Variants in FARP1 observed in about 807,000 individuals in gnomAD.
The protein encoded by FARP1 is FERM, ARHGEF and pleckstrin domain-containing protein 1.
A neutral mutation model predicts 128.8 loss-of-function variants in FARP1; 52 were observed. The observed-to-expected ratio is 0.40, with a 90% CI of 0.32 to 0.51. The LOEUF is 0.51. Among genes scored for constraint, FARP1 ranks in the 20% least tolerant of loss-of-function variants. The pLI is 0.45. For missense variants in FARP1, 1,333 were observed against 1,367.9 expected (o/e 0.97, Z 0.40); for synonymous variants, 580 against 551.8 (o/e 1.05, Z -0.72).
chr13:98,419,795 A>G, intron 16 of FARP1, among the ~76,000 whole-genome samples: 1 of 152,194 alleles, frequency 6.6e-6, no homozygotes, highest in Non-Finnish European at 1.5e-5. Flanking sequence ...ATCTAGAGAT[A>G]GAGCAGGGGG....
At chr13:98,255,557 G>C (rs1288912850) in intron 2 of FARP1, among the ~76,000 whole-genome samples, 9 of 151,970 alleles carry the variant, frequency 5.9e-5, no homozygotes, top group African/African-American at 1.9e-4. Flanking sequence ...ACAGTGTTTT[G>C]CCGATACCTT....
At chr13:98,313,538 C>T (rs978539823) in intron 2 of FARP1, among the ~76,000 whole-genome samples, 1 of 152,204 alleles carries the variant, frequency 6.6e-6, no homozygotes, top group Non-Finnish European at 1.5e-5. Flanking sequence ...GCCTCCTGAA[C>T]TGTGAGAGAA....
In FARP1 at chr13:98,265,880, A is replaced by G. The variant is rs562375351; in HGVS notation, c.171+52467A>G. Among the ~76,000 whole-genome samples the G allele has an allele frequency of 3.9e-5, 6 of 152,270 alleles. No individual in the cohort carries two copies. The South Asian group carries it at 1.0e-3, about 26-fold the overall frequency. On this transcript the variant is annotated intron_variant, in intron 2 of 26. Transcript: ENST00000319562. Reference sequence around the variant, plus strand: ...GGCAGCTGATATAAGTGCCACCTCCATATGTCAAGCTGCATGTCAGATGGT... The same window carrying G: ...GGCAGCTGATATAAGTGCCACCTCCGTATGTCAAGCTGCATGTCAGATGGT...
intron 2 of FARP1, among the ~76,000 whole-genome samples, chr13:98,264,805 A>G (rs1277291581): frequency 6.6e-6 from 1 of 152,192 alleles, no homozygotes. Flanking sequence ...AATAGTAATA[A>G]TAAGAATTAC....
chr13:98,318,067 CCT>C (rs1886810053), intron 2 of FARP1, among the ~76,000 whole-genome samples: 1 of 134,096 alleles, frequency 7.5e-6, no homozygotes, highest in African/African-American at 2.7e-5. Flanking sequence ...TTCTCCTCCT[CCT>C]TTTTTTTTTT....
intron 10 of FARP1, 120 bp from the exon 11 acceptor site, chr13:98,390,692 C>G (rs1413279329): frequency 1.3e-6 from 1 of 741,102 alleles, no homozygotes; most frequent in Non-Finnish European, 2.3e-6. Context: ...GCTAGCCAAG[C>G]AACCCTGCAT....
At position 98,440,760 on chromosome 13, in the gene FARP1, G is replaced by A. The variant is rs753430729; in HGVS notation, c.2720G>A (p.Arg907His). The A allele has an allele frequency of 6.8e-6, 11 of 1,613,214 alleles. No homozygotes were observed. Among genetic ancestry groups the A allele is most frequent in the African/African-American group, 6.7e-5 (5 of 74,948 alleles). ...TCGCTGGAGCGCCAGGCCCCGCACC[G>A]CGGCAACACAATGGTGCACGTGTGC... Reference protein sequence around the residue: ...RTSLERQAPHRGNTMVHVCWH... With the variant: ...RTSLERQAPHHGNTMVHVCWH... Residue 907 changes from arginine (R) to histidine (H), a missense_variant, in exon 24 of 27, where the codon CGC (arginine) becomes CAC (histidine). By Grantham distance (29) the Arg-to-His change is conservative (BLOSUM62 0). Around this residue, in one of 2 missense-constraint regions of FARP1, gnomAD observed 1,009 missense variants for 969.8 expected, o/e 1.04. Transcript: ENST00000319562.
At chr13:98,195,964 T>G (rs1431411807) in intron 1 of FARP1, among the ~76,000 whole-genome samples, 1 of 152,170 alleles carries the variant, frequency 6.6e-6, no homozygotes, top group Non-Finnish European at 1.5e-5. Flanking sequence ...AGTTGGAGGC[T>G]GCAGTGAACT....
At chr13:98,386,447 A>G (rs1890102318) in intron 8 of FARP1, among the ~76,000 whole-genome samples, 1 of 152,162 alleles carries the variant, frequency 6.6e-6, no homozygotes, top group South Asian at 2.1e-4. Context: ...GGACTGTTTC[A>G]TTGATCAATG....
intron 2 of FARP1, among the ~76,000 whole-genome samples, chr13:98,289,682 G>A (rs1030351269): frequency 6.6e-6 from 1 of 152,122 alleles, no homozygotes; most frequent in Non-Finnish European, 1.5e-5. Context: ...TCTGGCTCTT[G>A]GTGTGGACTG....
At chr13:98,358,009 T>TG (rs1468116137) in intron 3 of FARP1, among the ~76,000 whole-genome samples, 2 of 151,970 alleles carry the variant, frequency 1.3e-5, no homozygotes, top group Non-Finnish European at 2.9e-5. Context: ...GACTGGCTGA[T>TG]GGGAATAGGT....
In FARP1 at chr13:98,449,774, C is replaced by CTT. The variant is rs1344319502; in HGVS notation, c.*1459_*1460dup. 6.7e-6 allele frequency: 1 copy of CTT among 148,810 alleles called. No homozygotes were observed. The highest frequency in any genetic ancestry group is 1.5e-5 in the Non-Finnish European group (1 of 67,440). 9.2% of individuals were successfully genotyped at this position (148,810 alleles called of 1,614,324 possible). On this transcript the variant is annotated 3_prime_UTR_variant, in exon 27 of 27. Coordinates refer to ENST00000319562, the MANE Select transcript of FARP1 (RefSeq NM_005766.4). ...TGATGTTTTAAGGCAAAACAACCAA[C>CTT]TTTGTCTGTAGTCTTCATTTTCTGT...
intron 17 of FARP1, among the ~76,000 whole-genome samples, chr13:98,426,404 C>G (rs933272352): frequency 6.6e-6 from 1 of 152,156 alleles, no homozygotes; most frequent in Non-Finnish European, 1.5e-5. Flanking sequence ...GGGAGAGGAT[C>G]ACTTGAGCCC....
chr13:98,228,214 G>GC (rs1239218519), intron 2 of FARP1, among the ~76,000 whole-genome samples: 1 of 152,156 alleles, frequency 6.6e-6, no homozygotes, highest in Non-Finnish European at 1.5e-5. Flanking sequence ...CAAAGAATTA[G>GC]CTGGGCATGG....
chr13:98,235,859 T>C (rs937544528), intron 2 of FARP1, among the ~76,000 whole-genome samples: 5 of 151,564 alleles, frequency 3.3e-5, no homozygotes, highest in African/African-American at 9.7e-5. Flanking sequence ...GTTTCGCTCT[T>C]GTTGCCCAGG....
intron 2 of FARP1, among the ~76,000 whole-genome samples, chr13:98,251,361 T>G (rs1305457205): frequency 6.6e-6 from 1 of 152,184 alleles, no homozygotes. Flanking sequence ...GCAAGAGATA[T>G]AGACGACTTT....
At chr13:98,372,081 CTTTTTTTTTTTT>C (rs56838920) in intron 5 of FARP1, among the ~76,000 whole-genome samples, 10 of 92,348 alleles carry the variant, frequency 1.1e-4, no homozygotes, top group African/African-American at 2.2e-4. Flanking sequence ...CCCAGTTTTT[CTTTTTTTTTTTT>C]TTTTTTTTTT....
chr13:98,349,777 A>C (rs771477509), intron 3 of FARP1, among the ~76,000 whole-genome samples: 1 of 151,022 alleles, frequency 6.6e-6, no homozygotes, highest in Non-Finnish European at 1.5e-5. Context: ...CAGGAAGAAG[A>C]TTGGCACCTT....
chr13:98,379,225 TATCTATATATA>T (rs553298781), intron 6 of FARP1, among the ~76,000 whole-genome samples: 2,207 of 122,160 alleles, frequency 0.018, 77 homozygotes, highest in African/African-American at 0.03. Flanking sequence ...ATATATAATC[TATCTATATATA>T]ATCTATATAT....
Sources: gnomAD v4.1 joint callset for allele counts (sites outside exome capture counted in the v4.1 genomes callset) on GRCh38, gnomAD v4.1.1 for gene constraint, gnomAD v4.1.1 regional missense constraint, MANE v1.5 for transcripts, NCBI Gene and HGNC (gene_info 2026-07-23, HGNC 2026-07-21) for gene names.